Variants in GALNT10 observed in about 807,000 individuals in gnomAD.
The protein encoded by GALNT10 is GalNAc transferase 10.
Under a neutral mutation model 75.0 loss-of-function variants are expected in GALNT10, and 41 were observed. The ratio of observed to expected loss-of-function variants is 0.55; its 90% CI spans 0.43 to 0.71. The LOEUF (loss-of-function observed/expected upper bound fraction) is 0.71, where lower values mean the gene tolerates loss of function less well. Among genes scored for constraint, GALNT10 ranks in the 30% least tolerant of loss-of-function variants. The pLI, the probability that GALNT10 is intolerant of heterozygous loss-of-function variation, is 0.00. For missense variants in GALNT10, 727 were observed against 818.5 expected (o/e 0.89, Z 1.36); for synonymous variants, 302 against 313.0 (o/e 0.96, Z 0.37).
intron 4 of GALNT10, among the ~76,000 whole-genome samples, chr5:154,372,251 G>A (rs1488266865): frequency 1.3e-5 from 2 of 152,160 alleles, no homozygotes; most frequent in African/African-American, 4.8e-5. Flanking sequence ...CATCATAGAG[G>A]TTTTGTGAAT....
intron 4 of GALNT10, among the ~76,000 whole-genome samples, chr5:154,331,700 T>C (rs931008310): frequency 1.3e-5 from 2 of 152,192 alleles, no homozygotes; most frequent in Non-Finnish European, 2.9e-5. Context: ...GAGGTGCATG[T>C]ACAGGACGGA....
chr5:154,308,980 G>A (rs528796688), intron 3 of GALNT10, among the ~76,000 whole-genome samples: 12 of 152,268 alleles, frequency 7.9e-5, no homozygotes, highest in East Asian at 3.9e-4. Flanking sequence ...AGGGGTGGGA[G>A]AGTCATAATA....
At chr5:154,264,025 T>A (rs1225002354) in intron 1 of GALNT10, among the ~76,000 whole-genome samples, 4 of 152,152 alleles carry the variant, frequency 2.6e-5, no homozygotes, top group Non-Finnish European at 5.9e-5. Context: ...ATGTCACTTT[T>A]AAAAAGGCTG....
chr5:154,381,012 A>G (rs985389269), intron 6 of GALNT10, among the ~76,000 whole-genome samples: 1 of 152,150 alleles, frequency 6.6e-6, no homozygotes, highest in Non-Finnish European at 1.5e-5. Context: ...CCCTACAACT[A>G]TATATGGTAA....
intron 4 of GALNT10, among the ~76,000 whole-genome samples, chr5:154,364,762 C>A (rs1359649568): frequency 6.6e-6 from 1 of 151,982 alleles, no homozygotes; most frequent in African/African-American, 2.4e-5. Context: ...CTCTCCGACA[C>A]CTGACAACCT....
At chr5:154,220,174 G>A (rs1043746225) in intron 1 of GALNT10, 1 of 152,158 alleles carries the variant, frequency 6.6e-6, no homozygotes, top group African/African-American at 2.4e-5. Context: ...TTTTGGAAAT[G>A]ATTTTTAGAG....
At chr5:154,223,900 A>G (rs1188009324) in intron 1 of GALNT10, among the ~76,000 whole-genome samples, 1 of 150,156 alleles carries the variant, frequency 6.7e-6, no homozygotes, top group Non-Finnish European at 1.5e-5. Context: ...AGCCTGGGTG[A>G]CAGAGCAAGA....
intron 1 of GALNT10, among the ~76,000 whole-genome samples, chr5:154,265,110 A>G (rs1166983331): frequency 6.6e-6 from 1 of 152,224 alleles, no homozygotes; most frequent in Non-Finnish European, 1.5e-5. Flanking sequence ...TGAGTATTCT[A>G]AACCTTACAT....
intron 1 of GALNT10, among the ~76,000 whole-genome samples, chr5:154,255,985 A>C (rs1192907378): frequency 6.6e-6 from 1 of 152,100 alleles, no homozygotes; most frequent in East Asian, 1.9e-4. Context: ...TTACCAGTGA[A>C]GTATAACTCT....
At chr5:154,217,757 G>A (rs1170780267) in intron 1 of GALNT10, among the ~76,000 whole-genome samples, 2 of 152,252 alleles carry the variant, frequency 1.3e-5, no homozygotes, top group Non-Finnish European at 2.9e-5. Flanking sequence ...TCTTGGTTCT[G>A]TCATTTGTAA....
In GALNT10 at chr5:154,393,066, A is replaced by AAACAACAC. The variant is rs1561680922; in HGVS notation, c.1056+6638_1056+6639insCAACACAA. ...AAATTGGAGGTCTCCACAAAAAAAA[A>AAACAACAC]AAAAAAAAAAAACCCATTTTTTTTC... On this transcript the variant is annotated intron_variant, in intron 7 of 11. Transcript: ENST00000297107. The AAACAACAC allele has an allele frequency of 2.2e-5, 3 of 134,024 alleles. No individual in the cohort carries two copies. The East Asian group carries it at 6.7e-4, about 30-fold the overall frequency. The allele number at this position is 134,024 out of a possible 1,614,324, so 8.3% of individuals were successfully genotyped here.
chr5:154,196,964 A>G (rs1196116542), intron 1 of GALNT10, among the ~76,000 whole-genome samples: 1 of 152,124 alleles, frequency 6.6e-6, no homozygotes, highest in African/African-American at 2.4e-5. Context: ...CCAGGCAGTA[A>G]TCACTCCTTG....
At position 154,398,141 on chromosome 5, in the gene GALNT10, G is replaced by A. The variant is rs77288121; in HGVS notation, c.1057-5963G>A. 1.7e-3 allele frequency among the ~76,000 whole-genome samples: 257 copies of A among 152,346 alleles called. 3 individuals carry two copies. Among genetic ancestry groups the A allele is most frequent in the African/African-American group, 5.9e-3 (247 of 41,574 alleles). ...CTTCTATGAGAAGACTGCCACAGGG[G>A]CAGTGAAAGGGTCCTGGAAACAAGC... On this transcript the variant is annotated intron_variant, in intron 7 of 11. Coordinates refer to ENST00000297107, the MANE Select transcript of GALNT10 (RefSeq NM_198321.4).
At chr5:154,241,789 C>T (rs535004215) in intron 1 of GALNT10, among the ~76,000 whole-genome samples, 24 of 152,174 alleles carry the variant, frequency 1.6e-4, no homozygotes, top group Non-Finnish European at 3.4e-4. Flanking sequence ...TTATACACAA[C>T]GCACACTGAG....
chr5:154,416,334 G>A lies in GALNT10; in HGVS notation c.1653+402G>A, dbSNP rs986412834. Among the ~76,000 whole-genome samples, 3 of 152,142 alleles carry A rather than the reference G, an allele frequency of 2.0e-5. No homozygotes were observed. The highest frequency in any genetic ancestry group is 3.8e-4 in the East Asian group (2 of 5,196). On this transcript the variant is annotated intron_variant, in intron 11 of 11. Transcript: ENST00000297107. The surrounding 1 kb of genome is among the most constrained non-coding windows in gnomAD (Gnocchi z 4.5). Reference sequence around the variant, plus strand: ...TGTACTCCCAGCTACTCGGGAGGCCGAGGCAGGAGAAGCACTTGAACCTGA... The same window carrying A: ...TGTACTCCCAGCTACTCGGGAGGCCAAGGCAGGAGAAGCACTTGAACCTGA...
intron 7 of GALNT10, among the ~76,000 whole-genome samples, chr5:154,398,964 T>C (rs938608943): frequency 3.3e-5 from 5 of 152,190 alleles, no homozygotes; most frequent in Admixed American, 2.6e-4. Flanking sequence ...CTTCTGCAAG[T>C]AGAAATGACT....
At chr5:154,209,065 C>G (rs1156794749) in intron 1 of GALNT10, among the ~76,000 whole-genome samples, 1 of 152,206 alleles carries the variant, frequency 6.6e-6, no homozygotes, top group African/African-American at 2.4e-5. Context: ...CATTCTGCTA[C>G]AAAACCACCC....
intron 6 of GALNT10, among the ~76,000 whole-genome samples, chr5:154,381,456 C>T (rs181056593): frequency 4.2e-4 from 64 of 152,318 alleles, no homozygotes; most frequent in Non-Finnish European, 7.3e-4. Flanking sequence ...AGTTCTCCTG[C>T]GACACGTGTG....
At chr5:154,281,293 G>A (rs1249257219) in intron 1 of GALNT10, among the ~76,000 whole-genome samples, 1 of 152,032 alleles carries the variant, frequency 6.6e-6, no homozygotes, top group Non-Finnish European at 1.5e-5. Flanking sequence ...AATGTATCTC[G>A]ACTATTTGAT....
Sources: allele counts gnomAD v4.1 joint callset (sites outside exome capture counted in the v4.1 genomes callset), GRCh38; gene constraint gnomAD v4.1.1; non-coding constraint Gnocchi (gnomAD v3.1); transcripts MANE v1.5; gene names NCBI Gene and HGNC (gene_info 2026-07-23, HGNC 2026-07-21).